Variants in IL1RAPL2 observed in about 807,000 individuals in gnomAD.
The protein encoded by IL1RAPL2 is X-linked interleukin-1 receptor accessory protein-like 2.
Under a neutral mutation model 44.1 loss-of-function variants are expected in IL1RAPL2, and 3 were observed. The observed-to-expected ratio is 0.07, with a 90% CI of 0.03 to 0.18. The LOEUF (loss-of-function observed/expected upper bound fraction) is 0.18. Ranked by LOEUF, IL1RAPL2 falls within the 10% of genes least tolerant of loss-of-function variation. The pLI is 1.00. For missense variants in IL1RAPL2, 391 were observed against 496.4 expected, an observed-to-expected ratio of 0.79 and a Z score of 2.02; for synonymous variants, 181 against 178.8, an observed-to-expected ratio of 1.01 and a Z score of -0.10.
At chrX:105,021,433 G>C (rs1431403819) in intron 2 of IL1RAPL2, among the ~76,000 whole-genome samples, 1 of 110,624 alleles carries the variant, frequency 9.0e-6, no homozygotes, top group Non-Finnish European at 1.9e-5. Context: ...GGAGTTTATG[G>C]GTGGCCGTGG....
chrX:105,643,952 C>T (rs1369935032), intron 6 of IL1RAPL2, among the ~76,000 whole-genome samples: 5 of 111,371 alleles, frequency 4.5e-5, no homozygotes, highest in Non-Finnish European at 9.4e-5. Context: ...AGTGCAGTGG[C>T]ACGATCTCGG....
At chrX:105,682,010 T>G (rs1378701586) in intron 6 of IL1RAPL2, among the ~76,000 whole-genome samples, 1 of 111,878 alleles carries the variant, frequency 8.9e-6, no homozygotes, top group African/African-American at 3.2e-5. Context: ...TTATTACTGA[T>G]AGCTTTCAAA....
chrX:105,130,495 C>A (rs1217172642), intron 2 of IL1RAPL2, among the ~76,000 whole-genome samples: 1 of 110,984 alleles, frequency 9.0e-6, no homozygotes, highest in Non-Finnish European at 1.9e-5. Flanking sequence ...TAGGGTAGGG[C>A]CTGATTTTCT....
intron 6 of IL1RAPL2, among the ~76,000 whole-genome samples, chrX:105,656,527 A>G (rs1235310117): frequency 8.9e-6 from 1 of 111,990 alleles, no homozygotes; most frequent in Non-Finnish European, 1.9e-5. Flanking sequence ...AAAATAACTG[A>G]GATACAGACT....
At chrX:105,191,073 C>T (rs142067143) in intron 2 of IL1RAPL2, among the ~76,000 whole-genome samples, 1,570 of 112,559 alleles carry the variant, frequency 0.014, 28 homozygotes, top group African/African-American at 0.049. Context: ...TCTTTGGAAT[C>T]TTTATGTCAA....
At chrX:105,574,801 T>A (rs1003773587) in intron 6 of IL1RAPL2, among the ~76,000 whole-genome samples, 1 of 111,332 alleles carries the variant, frequency 9.0e-6, no homozygotes, top group Non-Finnish European at 1.9e-5. Flanking sequence ...CTGACCTTTT[T>A]TTTTCTCTAT....
chrX:105,295,657 G>C (rs1459517286), intron 5 of IL1RAPL2, among the ~76,000 whole-genome samples: 3 of 112,034 alleles, frequency 2.7e-5, no homozygotes, highest in Admixed American at 9.5e-5. Context: ...ATAAGAAAAA[G>C]TGTGTTTGTG....
chrX:105,153,514 C>T (rs1032662870), intron 2 of IL1RAPL2, among the ~76,000 whole-genome samples: 4 of 111,758 alleles, frequency 3.6e-5, no homozygotes, highest in African/African-American at 1.3e-4. Context: ...TAAATAGAGG[C>T]TTATTTTGCC....
At chrX:104,814,143 A>G (rs1435691919) in intron 2 of IL1RAPL2, among the ~76,000 whole-genome samples, 1 of 111,536 alleles carries the variant, frequency 9.0e-6, no homozygotes, top group African/African-American at 3.3e-5. Context: ...GCTAGCACTG[A>G]CCCAGGAATG....
At chrX:105,131,853 A>G (rs1261003190) in intron 2 of IL1RAPL2, among the ~76,000 whole-genome samples, 1 of 111,547 alleles carries the variant, frequency 9.0e-6, no homozygotes, top group East Asian at 2.8e-4. Context: ...AGGAAAAGTA[A>G]AGCCCAAGGC....
At chrX:105,482,737 C>T (rs963357362) in intron 5 of IL1RAPL2, among the ~76,000 whole-genome samples, 2 of 111,233 alleles carry the variant, frequency 1.8e-5, no homozygotes, top group African/African-American at 6.5e-5. Flanking sequence ...GAGATCTTCT[C>T]TCATGTTGGC....
chrX:105,407,009 T>C (rs2035650513), intron 5 of IL1RAPL2: 1 of 1,057,458 alleles, frequency 9.5e-7, no homozygotes. Flanking sequence ...TTTGAAGAGA[T>C]GCTGACACCA....
intron 2 of IL1RAPL2, among the ~76,000 whole-genome samples, chrX:105,045,004 A>G (rs2031818424): frequency 9.0e-6 from 1 of 111,692 alleles, no homozygotes; most frequent in Non-Finnish European, 1.9e-5. Context: ...TCTAAGAGCA[A>G]TACTTCCAAG....
chrX:104,909,996 A>G (rs1417022384), intron 2 of IL1RAPL2, among the ~76,000 whole-genome samples: 1 of 112,450 alleles, frequency 8.9e-6, no homozygotes, highest in African/African-American at 3.2e-5. Flanking sequence ...TGTGCTAGCA[A>G]TCAGCGAGAC....
At chrX:105,740,241 A>G (rs1029256541) in intron 7 of IL1RAPL2, among the ~76,000 whole-genome samples, 4 of 111,966 alleles carry the variant, frequency 3.6e-5, no homozygotes, top group African/African-American at 1.3e-4. Flanking sequence ...TGAAAGGATC[A>G]ACAAAATTGA....
intron 1 of IL1RAPL2, among the ~76,000 whole-genome samples, chrX:104,644,897 C>A (rs1039181562): frequency 2.7e-5 from 3 of 111,616 alleles, no homozygotes; most frequent in African/African-American, 9.8e-5. Flanking sequence ...GATTCTAACC[C>A]CGCTACACCA....
intron 2 of IL1RAPL2, among the ~76,000 whole-genome samples, chrX:104,965,033 G>A (rs1255177488): frequency 9.0e-6 from 1 of 111,416 alleles, no homozygotes; most frequent in East Asian, 2.8e-4. Context: ...AACAGCCAGA[G>A]GCACACCAAA....
At chrX:105,023,519 A>G (rs1342187560) in intron 2 of IL1RAPL2, among the ~76,000 whole-genome samples, 2 of 111,545 alleles carry the variant, frequency 1.8e-5, no homozygotes, top group Non-Finnish European at 3.8e-5. Context: ...GTACGTGTGT[A>G]CTGCTGCATC....
At chrX:105,409,965 T>C (rs867456727) in intron 5 of IL1RAPL2, among the ~76,000 whole-genome samples, 40 of 109,536 alleles carry the variant, frequency 3.7e-4, no homozygotes, top group Middle Eastern at 4.7e-3. Flanking sequence ...CACCTGTTAG[T>C]GAGATGAATA....
Sources: gnomAD v4.1 joint callset for allele counts (sites outside exome capture counted in the v4.1 genomes callset) on GRCh38, gnomAD v4.1.1 for gene constraint, MANE v1.5 for transcripts, NCBI Gene and HGNC (gene_info 2026-07-23, HGNC 2026-07-21) for gene names.